Variants in CNTNAP2 observed in about 807,000 individuals in gnomAD.
The protein encoded by CNTNAP2 is contactin associated protein 2, also known as contactin-associated protein-like 2.
CNTNAP2 carries 98 observed loss-of-function variants against 155.2 expected under a neutral mutation model. The observed-to-expected ratio is 0.63, with a 90% CI of 0.54 to 0.75. The LOEUF is 0.75. CNTNAP2 is among the 30% of genes least tolerant of loss of function. The pLI, the probability that CNTNAP2 is intolerant of heterozygous loss-of-function variation, is 0.00. For missense variants in CNTNAP2, 1,727 were observed against 1,688.1 expected (o/e 1.02, Z -0.40); for synonymous variants, 651 against 631.2 (o/e 1.03, Z -0.47).
intron 10 of CNTNAP2, among the ~76,000 whole-genome samples, chr7:147,412,315 G>A (rs1245708925): frequency 1.3e-5 from 2 of 152,060 alleles, no homozygotes; most frequent in East Asian, 3.9e-4. Context: ...TTTCAGTGGG[G>A]CCCCTGCCTG....
intron 21 of CNTNAP2, among the ~76,000 whole-genome samples, chr7:148,339,045 G>GTC (rs955764736): frequency 4.5e-4 from 69 of 152,210 alleles, no homozygotes; most frequent in African/African-American, 1.5e-3. Flanking sequence ...CAGTCTCTGT[G>GTC]TCTCTCTCTC....
At chr7:147,233,783 T>C (rs1309343305) in intron 8 of CNTNAP2, among the ~76,000 whole-genome samples, 1 of 55,060 alleles carries the variant, frequency 1.8e-5, no homozygotes, top group Non-Finnish European at 4.6e-5. Context: ...TTAATGAAAA[T>C]GTATATGTCT....
intron 11 of CNTNAP2, among the ~76,000 whole-genome samples, chr7:147,493,047 A>G (rs1205357654): frequency 6.6e-6 from 1 of 152,204 alleles, no homozygotes; most frequent in East Asian, 1.9e-4. Context: ...ACTTTTAAAG[A>G]ACTTATGCCA....
intron 13 of CNTNAP2, among the ~76,000 whole-genome samples, chr7:147,710,909 T>C (rs944905624): frequency 1.3e-5 from 2 of 152,204 alleles, no homozygotes; most frequent in African/African-American, 4.8e-5. Flanking sequence ...CAGATTAATG[T>C]TATGCCATTT....
At chr7:146,592,542 G>A (rs1300292312) in intron 1 of CNTNAP2, among the ~76,000 whole-genome samples, 1 of 152,138 alleles carries the variant, frequency 6.6e-6, no homozygotes, top group Non-Finnish European at 1.5e-5. Flanking sequence ...TAAGAATCCA[G>A]TCATTCCAGA....
chr7:147,301,430 A>C (rs1409835597), intron 9 of CNTNAP2, among the ~76,000 whole-genome samples: 2 of 152,194 alleles, frequency 1.3e-5, no homozygotes, highest in Non-Finnish European at 2.9e-5. Flanking sequence ...AAATCACGCA[A>C]TGTGAGATGT....
chr7:146,635,394 A>C (rs1185950844), intron 1 of CNTNAP2, among the ~76,000 whole-genome samples: 1 of 152,086 alleles, frequency 6.6e-6, no homozygotes, highest in Non-Finnish European at 1.5e-5. Context: ...GTAACAGGAG[A>C]GCATGAAACT....
intron 1 of CNTNAP2, among the ~76,000 whole-genome samples, chr7:146,503,959 A>T (rs1447970085): frequency 6.6e-6 from 1 of 152,214 alleles, no homozygotes; most frequent in Non-Finnish European, 1.5e-5. Context: ...TCAGCTGTGC[A>T]GTTATATTTC....
At chr7:146,745,184 C>T (rs1229264094) in intron 1 of CNTNAP2, among the ~76,000 whole-genome samples, 1 of 152,104 alleles carries the variant, frequency 6.6e-6, no homozygotes, top group Admixed American at 6.5e-5. Context: ...CACCCAATAA[C>T]ATTATTAAGG....
At chr7:146,652,320 G>T (rs973345561) in intron 1 of CNTNAP2, among the ~76,000 whole-genome samples, 3 of 152,092 alleles carry the variant, frequency 2.0e-5, no homozygotes, top group Non-Finnish European at 2.9e-5. Context: ...TGGGGCTTTT[G>T]GGAAATAGAC....
chr7:146,630,107 A>G (rs1386172394), intron 1 of CNTNAP2, among the ~76,000 whole-genome samples: 1 of 151,620 alleles, frequency 6.6e-6, no homozygotes, highest in Non-Finnish European at 1.5e-5. Context: ...TGCATTAGGT[A>G]TTTGTCCTAA....
chr7:146,742,727 A>C (rs1434148724), intron 1 of CNTNAP2, among the ~76,000 whole-genome samples: 1 of 152,322 alleles, frequency 6.6e-6, no homozygotes, highest in Non-Finnish European at 1.5e-5. Context: ...CTGGAGAAAA[A>C]ATGTCAAAGA....
At chr7:147,635,206 A>ATATATAT (rs1795157010) in intron 12 of CNTNAP2, among the ~76,000 whole-genome samples, 1 of 149,962 alleles carries the variant, frequency 6.7e-6, no homozygotes, top group Admixed American at 6.9e-5. Context: ...ATATATGTTT[A>ATATATAT]ATTTTAATTA....
chr7:147,046,989 A>G (rs1018404855), intron 4 of CNTNAP2, among the ~76,000 whole-genome samples: 3 of 136,932 alleles, frequency 2.2e-5, no homozygotes, highest in African/African-American at 2.8e-5. Flanking sequence ...CCAAGATTGC[A>G]CCACTGTACT....
intron 15 of CNTNAP2, among the ~76,000 whole-genome samples, chr7:148,041,272 GCAA>G: frequency 6.6e-6 from 1 of 152,194 alleles, no homozygotes; most frequent in Non-Finnish European, 1.5e-5. Flanking sequence ...GCCCACAACT[GCAA>G]TTAACAGGAA....
chr7:147,534,108 A>G (rs115110146), intron 11 of CNTNAP2, among the ~76,000 whole-genome samples: 1,567 of 152,300 alleles, frequency 0.01, 27 homozygotes, highest in African/African-American at 0.036. Flanking sequence ...GTAAGCCAGT[A>G]GTTTTCAACC....
intron 1 of CNTNAP2, among the ~76,000 whole-genome samples, chr7:146,325,626 G>GGAGA (rs140556394): frequency 1.3e-5 from 2 of 151,248 alleles, no homozygotes; most frequent in Non-Finnish European, 3.0e-5. Context: ...ACACACACAG[G>GGAGA]GAGAGAGAGA....
intron 2 of CNTNAP2, among the ~76,000 whole-genome samples, chr7:146,830,596 ATTCT>A (rs1486165961): frequency 1.3e-5 from 2 of 152,158 alleles, no homozygotes; most frequent in African/African-American, 2.4e-5. Flanking sequence ...AGGTTACATA[ATTCT>A]TTCTAAGCAT....
intron 1 of CNTNAP2, among the ~76,000 whole-genome samples, chr7:146,746,343 G>T (rs1296947150): frequency 2.6e-5 from 4 of 152,096 alleles, no homozygotes; most frequent in African/African-American, 9.7e-5. Context: ...ATTAATTAAA[G>T]CATGATTTAT....
Sources: allele counts gnomAD v4.1 joint callset (sites outside exome capture counted in the v4.1 genomes callset), GRCh38; gene constraint gnomAD v4.1.1; transcripts MANE v1.5; gene names NCBI Gene and HGNC (gene_info 2026-07-23, HGNC 2026-07-21).